Variants in CNNM2 observed in about 807,000 individuals in gnomAD.
CNNM2 encodes metal transporter CNNM2.
Under a neutral mutation model 66.9 loss-of-function variants are expected in CNNM2, and 12 were observed. The ratio of observed to expected loss-of-function variants is 0.18; its 90% CI spans 0.11 to 0.29. The LOEUF (loss-of-function observed/expected upper bound fraction) is 0.29. Among genes scored for constraint, CNNM2 ranks in the 10% least tolerant of loss-of-function variants. CNNM2 has a pLI of 1.00. For synonymous variants in CNNM2, 557 were observed against 501.8 expected (o/e 1.11, Z -1.47); for missense variants, 705 against 1,167.7 (o/e 0.60, Z 5.77).
At chr10:103,019,844 T>C (rs1407361838) in intron 1 of CNNM2, among the ~76,000 whole-genome samples, 1 of 152,168 alleles carries the variant, frequency 6.6e-6, no homozygotes, top group African/African-American at 2.4e-5. Flanking sequence ...TATATTGATA[T>C]GAAGAGACTT....
intron 1 of CNNM2, among the ~76,000 whole-genome samples, chr10:103,046,817 A>C (rs1590455454): frequency 1.3e-5 from 2 of 152,176 alleles, no homozygotes; most frequent in South Asian, 2.1e-4. Context: ...GTATTTGGAA[A>C]AGGGAGGAGT....
At chr10:102,994,983 G>A (rs2063963421) in intron 1 of CNNM2, among the ~76,000 whole-genome samples, 1 of 151,990 alleles carries the variant, frequency 6.6e-6, no homozygotes, top group South Asian at 2.1e-4. Flanking sequence ...TCGACCAAAT[G>A]TTCCTTTCTT....
chr10:103,056,781 G>A lies in CNNM2; in HGVS notation c.1904-14G>A, dbSNP rs1265895178. ...TGTTTGAAATGTAATATCAAGTTGT[G>A]TTTATATCTATAGAAGTAGAAGCAT... On this transcript the variant is annotated splice_polypyrimidine_tract_variant and intron_variant, in intron 3 of 7. Transcript: ENST00000369878. The A allele has an allele frequency of 6.2e-7, 1 of 1,612,432 alleles. No homozygotes were observed.
At chr10:102,963,028 A>AT (rs1246605367) in intron 1 of CNNM2, among the ~76,000 whole-genome samples, 4 of 152,154 alleles carry the variant, frequency 2.6e-5, no homozygotes, top group Non-Finnish European at 5.9e-5. Flanking sequence ...GTGTAGGTAC[A>AT]TTTTCACATT....
intron 1 of CNNM2, among the ~76,000 whole-genome samples, chr10:103,046,488 C>A (rs1036303065): frequency 1.3e-5 from 2 of 152,108 alleles, no homozygotes; most frequent in African/African-American, 4.8e-5. Flanking sequence ...GGTCTCAGGA[C>A]CCCTTGAAAC....
intron 1 of CNNM2, among the ~76,000 whole-genome samples, chr10:103,017,937 C>T (rs2064486323): frequency 7.7e-6 from 1 of 130,582 alleles, no homozygotes; most frequent in African/African-American, 2.9e-5. Context: ...GCTCTCCAGC[C>T]TGGGGGACAG....
Position 103,057,040 on chromosome 10 carries a change from C to A in CNNM2, c.2073+76C>A. 4 of 1,439,364 alleles carry A rather than the reference C, an allele frequency of 2.8e-6. No homozygotes were observed. The South Asian group carries it at 4.0e-5, about 14-fold the overall frequency. 89.2% of individuals were successfully genotyped at this position (1,439,364 alleles called of 1,614,324 possible). A position where few individuals can be genotyped will look rare whatever the true frequency, so the allele number is the denominator to read the frequency against. ...CAGTTTGGTGTAAGTGAATGGGTGT[C>A]ACCGTGTACATACTGAACCTTTCTA... is the stretch of plus-strand genomic sequence containing the variant. On this transcript the variant is annotated intron_variant, in intron 4 of 7. Transcript: ENST00000369878.
chr10:102,957,238 G>A (rs1847076705), intron 1 of CNNM2, among the ~76,000 whole-genome samples: 1 of 152,174 alleles, frequency 6.6e-6, no homozygotes, highest in Non-Finnish European at 1.5e-5. Flanking sequence ...CCTGGGAGGC[G>A]GAGGTTGCAG....
chr10:103,034,035 A>G (rs1277032498), intron 1 of CNNM2, among the ~76,000 whole-genome samples: 3 of 151,902 alleles, frequency 2.0e-5, no homozygotes, highest in East Asian at 1.9e-4. Flanking sequence ...GAAGTTTATC[A>G]TATGCACAAA....
intron 1 of CNNM2, among the ~76,000 whole-genome samples, chr10:103,011,092 A>T (rs761023811): frequency 7.9e-5 from 12 of 152,242 alleles, no homozygotes; most frequent in Non-Finnish European, 1.8e-4. Context: ...AATGCGTAGC[A>T]TGTGGAAGAT....
intron 1 of CNNM2, among the ~76,000 whole-genome samples, chr10:103,035,613 A>C (rs191860135): frequency 6.6e-6 from 1 of 152,336 alleles, no homozygotes; most frequent in East Asian, 1.9e-4. Context: ...GCCATTAAGT[A>C]AGTCACATAA....
rs139287536 is a variant in CNNM2, at chr10:103,021,095, C to T, written c.1622-28612C>T. Among the ~76,000 whole-genome samples the T allele has an allele frequency of 3.6e-3, 541 of 152,148 alleles. 4 individuals carry two copies. Among genetic ancestry groups the T allele is most frequent in the African/African-American group, 0.013 (528 of 41,500 alleles). ...TAACAAGGAAACTATGCAGAATATC[C>T]TGAAACAGTGGTTTTTAGACACTAG... is the stretch of plus-strand genomic sequence containing the variant. On this transcript the variant is annotated intron_variant, in intron 1 of 7. Transcript: ENST00000369878.
At chr10:102,922,115 G>A (rs1412370899) in intron 1 of CNNM2, among the ~76,000 whole-genome samples, 1 of 152,120 alleles carries the variant, frequency 6.6e-6, no homozygotes, top group Non-Finnish European at 1.5e-5. Flanking sequence ...TAATGCACAA[G>A]ATTTAATTTT....
intron 4 of CNNM2, among the ~76,000 whole-genome samples, chr10:103,064,785 T>G (rs2065448253): frequency 6.6e-6 from 1 of 152,156 alleles, no homozygotes; most frequent in Admixed American, 6.6e-5. Context: ...GGCTGCAGGA[T>G]TCTCACCACC....
chr10:102,985,799 G>A (rs1167181973), intron 1 of CNNM2, among the ~76,000 whole-genome samples: 1 of 152,208 alleles, frequency 6.6e-6, no homozygotes, highest in Non-Finnish European at 1.5e-5. Context: ...ACTAGTAAAA[G>A]GATTGGGAAA....
At chr10:103,025,956 T>C (rs1338454658) in intron 1 of CNNM2, among the ~76,000 whole-genome samples, 1 of 152,204 alleles carries the variant, frequency 6.6e-6, no homozygotes, top group East Asian at 1.9e-4. Context: ...TAAGAGGTGA[T>C]TGGGTCATCA....
intron 1 of CNNM2, among the ~76,000 whole-genome samples, chr10:103,031,773 C>T (rs1590425704): frequency 6.6e-6 from 1 of 151,900 alleles, no homozygotes; most frequent in East Asian, 1.9e-4. Context: ...TTCAATTCCA[C>T]TAGAACCTTT....
At chr10:102,985,038 G>A (rs1275543582) in intron 1 of CNNM2, among the ~76,000 whole-genome samples, 1 of 152,130 alleles carries the variant, frequency 6.6e-6, no homozygotes, top group Non-Finnish European at 1.5e-5. Context: ...CCAAAAGGCC[G>A]AGAAGCGATG....
rs1340232323 is a variant in CNNM2, at chr10:102,918,521, C to A, written c.41C>A (p.Ala14Glu). The A allele has an allele frequency of 1.2e-6, 2 of 1,604,650 alleles. No homozygotes were observed. The change falls in exon 1 of 8, where the codon GCG (alanine) becomes GAG (glutamate). Residue 14 changes from alanine (A) to glutamate (E), a missense_variant. Ala to Glu is a moderately radical substitution (Grantham distance 107). This residue lies in a region of CNNM2 where 98 missense variants were observed against 73.6 expected (regional missense o/e 1.33). Coordinates refer to ENST00000369878, the MANE Select transcript of CNNM2 (RefSeq NM_017649.5). The surrounding 1 kb of genome is among the most constrained non-coding windows in gnomAD (Gnocchi z 4.1). ...GCTTGTGAACCCAAAGTAAAGATGGCGGGCGGGCAGGCAGCCGCCGCACTG... is the reference window on the plus strand; with the variant it reads ...GCTTGTGAACCCAAAGTAAAGATGGAGGGCGGGCAGGCAGCCGCCGCACTG... ...CGACEPKVKM[A>E]GGQAAAALPT...
Sources: allele counts gnomAD v4.1 joint callset (sites outside exome capture counted in the v4.1 genomes callset), GRCh38; gene constraint gnomAD v4.1.1; regional missense constraint gnomAD v4.1.1; non-coding constraint Gnocchi (gnomAD v3.1); transcripts MANE v1.5; gene names NCBI Gene and HGNC (gene_info 2026-07-23, HGNC 2026-07-21).